Variants in DNAI4 observed in about 807,000 individuals in gnomAD.
DNAI4 encodes the protein WD repeat domain 78.
A neutral mutation model predicts 105.8 loss-of-function variants in DNAI4; 85 were observed. The observed-to-expected ratio is 0.80, with a 90% confidence interval of 0.67 to 0.96. The LOEUF is 0.96. Ranked by LOEUF, DNAI4 falls within the 40% of genes least tolerant of loss-of-function variation. The pLI is 0.00. For synonymous variants in DNAI4, 352 were observed against 331.5 expected (o/e 1.06, Z -0.67); for missense variants, 1,014 against 1,005.6 (o/e 1.01, Z -0.11).
At position 66,837,816 on chromosome 1, in the gene DNAI4, AT is replaced by A. The variant is rs1037805980; in HGVS notation, c.1495-21del. On this transcript the variant is annotated intron_variant, in intron 9 of 16. Transcript: ENST00000371026. The stretch of plus-strand genomic sequence containing the variant: ...AAGATCCTGAAAACCAGAAAAATAC[AT>A]TTAAAAATAAGAGAAGATAGCATTA... 2.5e-6 allele frequency: 4 copies of A among 1,584,806 alleles called. No individual in the cohort carries two copies. Among genetic ancestry groups the A allele is most frequent in the Non-Finnish European group, 3.4e-6 (4 of 1,167,426 alleles).
chr1:66,833,591 A>T lies in DNAI4; in HGVS notation c.2007T>A (p.His669Gln). Residue 669 changes from histidine (H) to glutamine (Q), a missense_variant, in exon 13 of 17, where the codon CAT becomes CAA. Physicochemically the swap from His to Gln is conservative, Grantham distance 24. Transcript: ENST00000371026. ...TAAGAGTGAAATAATTTACCTTGGG[A>T]TGAAAAGCAAAACACATTCCAGGAG... ...RQAPGMCFAF[H>Q]PKDTNIYLAG... 6.2e-7 allele frequency: 1 copy of T among 1,612,524 alleles called. No individual in the cohort carries two copies. The highest frequency in any genetic ancestry group is 1.1e-5 in the South Asian group (1 of 90,918).
chr1:66,840,831 A>G (rs1646134346), intron 8 of DNAI4, among the ~76,000 whole-genome samples, 160 bp from the exon 9 acceptor site: 1 of 152,170 alleles, frequency 6.6e-6, no homozygotes, highest in South Asian at 2.1e-4. Flanking sequence ...GGCAGCCTGG[A>G]CCTGTGGCAG....
At chr1:66,905,022 T>C (rs1207479227) in intron 2 of DNAI4, 179 bp downstream of exon 2, 4 of 455,582 alleles carry the variant, frequency 8.8e-6, no homozygotes, top group Non-Finnish European at 1.5e-5. Flanking sequence ...AATAACTAGT[T>C]ATAGGAGCCA....
At chr1:66,878,901 A>G (rs1468417314) in intron 4 of DNAI4, among the ~76,000 whole-genome samples, 1 of 152,098 alleles carries the variant, frequency 6.6e-6, no homozygotes, top group Non-Finnish European at 1.5e-5. Context: ...CTCATTTTCA[A>G]TATTATTTAG....
chr1:66,896,916 A>T (rs1648384698), intron 2 of DNAI4, among the ~76,000 whole-genome samples: 1 of 152,230 alleles, frequency 6.6e-6, no homozygotes, highest in Non-Finnish European at 1.5e-5. Context: ...AACACCTGAA[A>T]ATGTAGAAGT....
intron 9 of DNAI4, among the ~76,000 whole-genome samples, chr1:66,839,942 T>G (rs765061819): frequency 1.3e-4 from 20 of 152,208 alleles, no homozygotes; most frequent in Non-Finnish European, 2.4e-4. Context: ...GTTGTTGTGT[T>G]AGTACGGTTA....
At chr1:66,888,835 G>A (rs1647358913) in intron 4 of DNAI4, among the ~76,000 whole-genome samples, 1 of 152,150 alleles carries the variant, frequency 6.6e-6, no homozygotes, top group African/African-American at 2.4e-5. Flanking sequence ...GCAAAGAAAG[G>A]CTTCAAGGCA....
In DNAI4 at chr1:66,890,751, A is replaced by T. The variant is rs1312307356; in HGVS notation, c.643+403T>A. The T allele has an allele frequency of 8.4e-6, 2 of 238,668 alleles. No homozygotes were observed. Among genetic ancestry groups the T allele is most frequent in the African/African-American group, 4.8e-5 (2 of 41,926 alleles). The allele number at this position is 238,668 out of a possible 1,614,324, so 14.8% of individuals were successfully genotyped here. A position where few individuals can be genotyped will look rare whatever the true frequency, so the allele number is the denominator to read the frequency against. ...GGAGAGGAAGAGGGGGAGAAGGAAG[A>T]GGAGGAGGAGGAAGAGGAAGAAGAG... is the stretch of plus-strand genomic sequence containing the variant. On this transcript the variant is annotated intron_variant, in intron 4 of 16. Transcript: ENST00000371026. This position sits in a 1 kb window ranked among gnomAD's most constrained non-coding sequence, Gnocchi z 4.1.
At chr1:66,909,761 TCCA>T (rs1448896253) in intron 1 of DNAI4, among the ~76,000 whole-genome samples, 1 of 151,752 alleles carries the variant, frequency 6.6e-6, no homozygotes. Flanking sequence ...GACATTAACC[TCCA>T]CCACCACCAC....
At chr1:66,908,977 T>C (rs1461271156) in intron 1 of DNAI4, among the ~76,000 whole-genome samples, 1 of 152,180 alleles carries the variant, frequency 6.6e-6, no homozygotes, top group Non-Finnish European at 1.5e-5. Context: ...CTCTATTTTT[T>C]TCTTGTTACT....
chr1:66,858,465 C>A (rs1244565122), intron 7 of DNAI4, among the ~76,000 whole-genome samples: 3 of 141,774 alleles, frequency 2.1e-5, no homozygotes, highest in African/African-American at 8.0e-5. Context: ...CCCAGGAGGC[C>A]GGGCTTGCAG....
chr1:66,841,821 A>G (rs1383845354), intron 8 of DNAI4, among the ~76,000 whole-genome samples: 2 of 152,180 alleles, frequency 1.3e-5, no homozygotes, highest in Admixed American at 6.5e-5. Context: ...GTTTACTATC[A>G]TTATCATTCA....
rs550023629 is a variant in DNAI4, at chr1:66,835,221, T to C, written c.1733+405A>G. 4.0e-5 allele frequency among the ~76,000 whole-genome samples: 6 copies of C among 148,808 alleles called. 1 individual carries two copies. Among genetic ancestry groups the C allele is most frequent in the Admixed American group, 4.0e-4 (6 of 14,956 alleles). ...ATAGATAGATAGATAGATAGATAGA[T>C]AGATAGATAGATAGATAGATAAGAT... On this transcript the variant is annotated intron_variant, in intron 11 of 16. Coordinates refer to ENST00000371026, the MANE Select transcript of DNAI4 (RefSeq NM_024763.5).
chr1:66,860,281 A>G (rs1179590731), intron 7 of DNAI4, among the ~76,000 whole-genome samples: 1 of 152,124 alleles, frequency 6.6e-6, no homozygotes. Context: ...TATGATAAAT[A>G]GAAGGTTAAA....
intron 7 of DNAI4, among the ~76,000 whole-genome samples, chr1:66,857,535 A>ATT (rs779863639): frequency 2.8e-5 from 4 of 143,138 alleles, no homozygotes; most frequent in African/African-American, 5.1e-5. Flanking sequence ...CTGCCCACAA[A>ATT]TTTTTTTTTT....
At chr1:66,909,658 T>G (rs535317457) in intron 1 of DNAI4, among the ~76,000 whole-genome samples, 1 of 152,136 alleles carries the variant, frequency 6.6e-6, no homozygotes, top group African/African-American at 2.4e-5. Flanking sequence ...TTCCCAAATA[T>G]ATGTATATCT....
chr1:66,822,667 A>ACTCCTCAAAATAACTG (rs1645656431), intron 15 of DNAI4, 150 bp from the exon 16 acceptor site: 1 of 597,120 alleles, frequency 1.7e-6, no homozygotes, highest in East Asian at 3.2e-5. Flanking sequence ...ACTGCTCCTC[A>ACTCCTCAAAATAACTG]CTCCTTACTC....
At chr1:66,902,474 A>G (rs1445300802) in intron 2 of DNAI4, among the ~76,000 whole-genome samples, 1 of 152,156 alleles carries the variant, frequency 6.6e-6, no homozygotes, top group Non-Finnish European at 1.5e-5. Context: ...TATCAAATAT[A>G]TAATTTGCAA....
intron 4 of DNAI4, among the ~76,000 whole-genome samples, chr1:66,883,678 A>ATCCT (rs1356945362): frequency 6.6e-6 from 1 of 152,210 alleles, no homozygotes; most frequent in Non-Finnish European, 1.5e-5. Context: ...ATACTTTTAA[A>ATCCT]TATGTTGTAT....
Sources: gnomAD v4.1 joint callset for allele counts (sites outside exome capture counted in the v4.1 genomes callset) on GRCh38, gnomAD v4.1.1 for gene constraint, Gnocchi (gnomAD v3.1) non-coding constraint, MANE v1.5 for transcripts, NCBI Gene and HGNC (gene_info 2026-07-23, HGNC 2026-07-21) for gene names.